Variants in SHISAL2A observed in about 807,000 individuals in gnomAD.
The protein encoded by SHISAL2A is shisa like 2A.
SHISAL2A carries 18 observed loss-of-function variants against 11.5 expected under a neutral mutation model. That is an observed-to-expected ratio of 1.57 (90% CI 1.08 to 2.33). The LOEUF is 2.33. Among genes scored for constraint, SHISAL2A ranks in the 30% most tolerant of loss-of-function variants. The pLI, the probability that SHISAL2A is intolerant of heterozygous loss-of-function variation, is 0.00. For missense variants in SHISAL2A, 261 were observed against 250.9 expected (o/e 1.04, Z -0.27); for synonymous variants, 94 against 99.6 (o/e 0.94, Z 0.34).
chr1:52,639,194 G>C (rs997177747), intron 1 of SHISAL2A, among the ~76,000 whole-genome samples: 4 of 151,682 alleles, frequency 2.6e-5, no homozygotes, highest in African/African-American at 9.7e-5. Flanking sequence ...AAAAAAAGAA[G>C]GAAACTTTGG....
chr1:52,639,077 G>A lies in SHISAL2A; in HGVS notation c.183-3786G>A, dbSNP rs142164735. 1.7e-3 allele frequency among the ~76,000 whole-genome samples: 263 copies of A among 152,232 alleles called. 4 individuals are homozygous for A. The South Asian group carries it at 0.027, about 16-fold the overall frequency. On this transcript the variant is annotated intron_variant, in intron 1 of 2. Transcript: ENST00000517870. The stretch of plus-strand genomic sequence containing the variant: ...AGTCCCAGCTACTCAACAGGCTGAG[G>A]CAGGAGGATCACTTGAGCCCGGAAG...
At chr1:52,653,286 C>CAAAAAAAAAAAAAAAAAAA (rs59878820) in intron 2 of SHISAL2A, among the ~76,000 whole-genome samples, 1 of 36,424 alleles carries the variant, frequency 2.7e-5, no homozygotes, top group Non-Finnish European at 5.1e-5. Context: ...CCTGTCTCTA[C>CAAAAAAAAAAAAAAAAAAA]AAAAAAAAAA....
At chr1:52,666,041 C>T (rs1692004015) in intron 4 of SHISAL2A, among the ~76,000 whole-genome samples, 1 of 152,234 alleles carries the variant, frequency 6.6e-6, no homozygotes, top group South Asian at 2.1e-4. Flanking sequence ...GCCTTCCTCT[C>T]TGTCTCAAGA....
At chr1:52,669,182 C>G (rs951236271) in exon 6 of SHISAL2A, 1 of 141,430 alleles carries the variant, frequency 7.1e-6, no homozygotes, top group African/African-American at 2.7e-5. Context: ...TCTCTTATTG[C>G]CCAGGCTGGT....
chr1:52,657,189 C>CT, downstream of SHISAL2A: 1 of 1,104,798 alleles, frequency 9.1e-7, no homozygotes, highest in South Asian at 1.8e-5. Context: ...CCATACTGTT[C>CT]TGCTTGGCCT....
chr1:52,633,652 G>A lies in SHISAL2A; in HGVS notation c.159G>A (p.Glu53=), dbSNP rs1417594451. 4 of 1,613,004 alleles carry A rather than the reference G, an allele frequency of 2.5e-6. No individual in the cohort carries two copies. Among genetic ancestry groups the A allele is most frequent in the East Asian group, 2.2e-5 (1 of 44,724 alleles). ...ACCCGCACAGCTTCTTCCCCTACGA[G>A]CACAGCTACATGTGGTGGCTCAGGT... ...CDDPHSFFPY[E]HSYMWWLSIG... Residue 53 remains glutamate (E), a synonymous_variant, in exon 1 of 3, where the codon GAG becomes GAA. Transcript: ENST00000517870. This position sits in a 1 kb window ranked among gnomAD's most constrained non-coding sequence, Gnocchi z 6.4.
downstream of SHISAL2A, among the ~76,000 whole-genome samples, chr1:52,660,912 G>A (rs1227755472): frequency 6.6e-6 from 1 of 152,178 alleles, no homozygotes; most frequent in African/African-American, 2.4e-5. Flanking sequence ...CAAAGACTTT[G>A]GGAAGGCCTC....
chr1:52,669,682 A>G (rs1220923258), exon 6 of SHISAL2A: 22 of 151,854 alleles, frequency 1.4e-4, no homozygotes, highest in African/African-American at 5.3e-4. Context: ...AAAAAAAAAA[A>G]AAGAGGATGC....
chr1:52,636,069 G>T (rs972344649), intron 1 of SHISAL2A, among the ~76,000 whole-genome samples: 1 of 152,256 alleles, frequency 6.6e-6, no homozygotes, highest in Non-Finnish European at 1.5e-5. Context: ...AAATAAGATG[G>T]CACTGACCTC....
At chr1:52,650,338 A>AG (rs1691605277) in intron 2 of SHISAL2A, among the ~76,000 whole-genome samples, 1 of 152,168 alleles carries the variant, frequency 6.6e-6, no homozygotes. Context: ...TGGAGAAAGG[A>AG]GGGAAGGCAC....
intron 1 of SHISAL2A, among the ~76,000 whole-genome samples, chr1:52,639,353 A>ATGCATGTG (rs1361077688): frequency 2.0e-5 from 3 of 152,162 alleles, no homozygotes. Context: ...GCATATATGT[A>ATGCATGTG]TACTTATTTA....
chr1:52,664,506 C>T (rs1691971333), intron 4 of SHISAL2A, among the ~76,000 whole-genome samples: 1 of 151,812 alleles, frequency 6.6e-6, no homozygotes, highest in Admixed American at 6.6e-5. Context: ...CAGGCGTGTG[C>T]CACCATGCCC....
chr1:52,661,674 G>A (rs564598186), downstream of SHISAL2A, among the ~76,000 whole-genome samples: 4 of 152,300 alleles, frequency 2.6e-5, no homozygotes, highest in African/African-American at 9.6e-5. Flanking sequence ...ACCCAGAGCA[G>A]ATGACCCACT....
chr1:52,639,541 C>T (rs1008603957), intron 1 of SHISAL2A, among the ~76,000 whole-genome samples: 15 of 152,128 alleles, frequency 9.9e-5, no homozygotes, highest in African/African-American at 3.4e-4. Context: ...ATCACGAGGT[C>T]AGGAGATCGA....
chr1:52,651,704 C>A (rs1054747842), intron 2 of SHISAL2A, among the ~76,000 whole-genome samples: 17 of 152,192 alleles, frequency 1.1e-4, no homozygotes, highest in Non-Finnish European at 1.2e-4. Flanking sequence ...GACCAAGTTT[C>A]TTCTCTTTGA....
Position 52,656,988 on chromosome 1 carries a change from G to A in SHISAL2A, c.521G>A (p.Ser174Asn). 1.2e-6 allele frequency: 2 copies of A among 1,614,104 alleles called. No homozygotes were observed. The highest frequency in any genetic ancestry group is 1.7e-6 in the Non-Finnish European group (2 of 1,179,988). Residue 174 changes from serine (S) to asparagine (N), a missense_variant, in exon 3 of 3, where the codon AGC becomes AAC. Ser to Asn is a conservative substitution (Grantham distance 46, BLOSUM62 1). Coordinates refer to ENST00000517870, the MANE Select transcript of SHISAL2A (RefSeq NM_001042693.3). The part of the protein sequence containing the change: ...ATVTTSDIPG[S>N]PEEASVPNPD... ...GTGACCACCAGTGACATTCCAGGCA[G>A]CCCTGAGGAAGCCTCTGTACCCAAC...
Position 52,642,971 on chromosome 1 carries a change from G to A in SHISAL2A, c.291G>A (p.Lys97=), listed in dbSNP as rs1691404012. The A allele has an allele frequency of 1.2e-6, 2 of 1,614,174 alleles. No homozygotes were observed. The highest frequency in any genetic ancestry group is 1.7e-6 in the Non-Finnish European group (2 of 1,180,036). ...YLFISSKPHT[K]LDLGLSLQTA... ...TCATCAGCTCTAAGCCCCACACAAA[G>A]TTGGACCTGGGCTTGAGCTTACAGA... Residue 97 remains lysine (K), a synonymous_variant, in exon 2 of 3, where the codon AAG becomes AAA. Coordinates refer to ENST00000517870, the MANE Select transcript of SHISAL2A (RefSeq NM_001042693.3).
At chr1:52,638,834 C>T (rs1016473642) in intron 1 of SHISAL2A, among the ~76,000 whole-genome samples, 1 of 152,198 alleles carries the variant, frequency 6.6e-6, no homozygotes. Flanking sequence ...TTATCCTGCA[C>T]TATTGACTTG....
intron 2 of SHISAL2A, among the ~76,000 whole-genome samples, chr1:52,648,626 G>A (rs1277464356): frequency 6.6e-6 from 1 of 152,116 alleles, no homozygotes; most frequent in Non-Finnish European, 1.5e-5. Flanking sequence ...TCCCAGTGAG[G>A]TAGGTCTCAT....
Sources: gnomAD v4.1 joint callset for allele counts (sites outside exome capture counted in the v4.1 genomes callset) on GRCh38, gnomAD v4.1.1 for gene constraint, Gnocchi (gnomAD v3.1) non-coding constraint, MANE v1.5 for transcripts, NCBI Gene and HGNC (gene_info 2026-07-23, HGNC 2026-07-21) for gene names.